The following ZNF394 variants were observed in gnomAD, a reference collection of about 807,000 sequenced individuals.
The protein encoded by ZNF394 is zinc finger protein 99.
A neutral mutation model predicts 21.8 loss-of-function variants in ZNF394; 19 were observed. The ratio of observed to expected loss-of-function variants is 0.87; its 90% CI spans 0.61 to 1.28. The LOEUF (loss-of-function observed/expected upper bound fraction) is 1.28, where lower values mean the gene tolerates loss of function less well. ZNF394 is among the 50% of genes most tolerant of loss of function. The pLI is 0.00. For synonymous variants in ZNF394, 294 were observed against 273.3 expected, an observed-to-expected ratio of 1.08 and a Z score of -0.75; for missense variants, 683 against 708.6, an observed-to-expected ratio of 0.96 and a Z score of 0.41.
downstream of ZNF394, among the ~76,000 whole-genome samples, chr7:99,489,465 T>C (rs377696062): frequency 1.5e-4 from 23 of 152,192 alleles, no homozygotes; most frequent in East Asian, 1.9e-3. Context: ...CGATGGGAAT[T>C]TGATAAACAC....
chr7:99,499,519 C>T (rs1584149443), intron 1 of ZNF394, 119 bp downstream of exon 1: 1 of 920,006 alleles, frequency 1.1e-6, no homozygotes, highest in East Asian at 2.4e-5. Context: ...GAAAGGAAGT[C>T]CATACACACC....
intron 2 of ZNF394, among the ~76,000 whole-genome samples, chr7:99,496,217 T>C (rs1800303986): frequency 6.6e-6 from 1 of 152,092 alleles, no homozygotes; most frequent in Non-Finnish European, 1.5e-5. Flanking sequence ...GGTTTTACCA[T>C]GTTGGCCAGG....
intron 2 of ZNF394, among the ~76,000 whole-genome samples, chr7:99,495,748 G>T (rs919179384): frequency 6.6e-6 from 1 of 151,974 alleles, no homozygotes; most frequent in African/African-American, 2.4e-5. Flanking sequence ...AGCCTTGAGA[G>T]TAGCTGGGAT....
chr7:99,486,709 C>G, exon 2 of ZNF394: 1 of 1,614,202 alleles, frequency 6.2e-7, no homozygotes, highest in Non-Finnish European at 8.5e-7. Flanking sequence ...TCAGAATGCG[C>G]AAACAAGGTG....
downstream of ZNF394, among the ~76,000 whole-genome samples, chr7:99,489,061 G>C (rs938157229): frequency 6.6e-6 from 1 of 151,946 alleles, no homozygotes; most frequent in Admixed American, 6.6e-5. Context: ...GAGGCGAGTG[G>C]ATCACGAGGT....
chr7:99,491,849 C>T (rs571391107), downstream of ZNF394, among the ~76,000 whole-genome samples: 2 of 148,484 alleles, frequency 1.3e-5, no homozygotes, highest in Non-Finnish European at 3.0e-5. Context: ...CCAAGGCGGG[C>T]GGATCATGAG....
rs201206255 is a variant in ZNF394 at position 99,497,087 on chromosome 7, CGTGTGTGTGTGT to C, written c.583+1617_583+1628del. On this transcript the variant is annotated intron_variant, in intron 2 of 2. Coordinates refer to ENST00000337673, the MANE Select transcript of ZNF394 (RefSeq NM_032164.4). Reference sequence around the variant, plus strand: ...GTATATATATGTATATACATACATACGTGTGTGTGTGTGTGTGTGTGTGTGTGTGTGTGTGTA... The same window carrying C: ...GTATATATATGTATATACATACATACGTGTGTGTGTGTGTGTGTGTGTGTA... Among the ~76,000 whole-genome samples the C allele has an allele frequency of 9.7e-4, 92 of 94,676 alleles. 1 individual carries two copies. Among genetic ancestry groups the C allele is most frequent in the Middle Eastern group, 4.9e-3 (1 of 206 alleles). 62.1% of individuals were successfully genotyped at this position (94,676 alleles called of 152,430 possible). A position where few individuals can be genotyped will look rare whatever the true frequency, so the allele number is the denominator to read the frequency against.
At chr7:99,492,514 C>G (rs966810371), downstream of ZNF394, among the ~76,000 whole-genome samples, 2 of 151,516 alleles carry the variant, frequency 1.3e-5, no homozygotes, top group African/African-American at 4.9e-5. Flanking sequence ...GCATGGTGCA[C>G]CTGTAGTCCC....
chr7:99,489,930 G>A (rs1313692593), downstream of ZNF394, among the ~76,000 whole-genome samples: 3 of 151,730 alleles, frequency 2.0e-5, no homozygotes, highest in South Asian at 2.1e-4. Flanking sequence ...GCTTGAACCC[G>A]GGAGGTGGAG....
At chr7:99,487,436 A>G (rs753570845) in intron 1 of ZNF394, 1 of 1,614,136 alleles carries the variant, frequency 6.2e-7, no homozygotes. Context: ...TTCAAGTGGC[A>G]CACAAGCTTT....
intron 1 of ZNF394, among the ~76,000 whole-genome samples, 196 bp downstream of exon 1, chr7:99,499,442 C>A (rs1762687467): frequency 6.6e-6 from 1 of 151,886 alleles, no homozygotes; most frequent in Non-Finnish European, 1.5e-5. Context: ...ACCAGTAATC[C>A]GTGTTCGCTT....
At position 99,494,057 on chromosome 7, in the gene ZNF394, ATAGGGTTTC is replaced by A. The variant is rs748259596; in HGVS notation, c.1149_1157del (p.Glu383_Tyr386delinsAsp). 2 of 1,614,122 alleles carry A rather than the reference ATAGGGTTTC, an allele frequency of 1.2e-6. No homozygotes were observed. The highest frequency in any genetic ancestry group is 2.2e-5 in the South Asian group (2 of 91,082). ...AGCTTTTCCCACATTCTTGGCAGCCATAGGGTTTCTCACCTGTGTGGATTCTCTGGTGTC... is the reference window on the plus strand; with the variant it reads ...AGCTTTTCCCACATTCTTGGCAGCCATCACCTGTGTGGATTCTCTGGTGTC... On this transcript the variant is annotated inframe_deletion, in exon 3 of 3. Transcript: ENST00000337673.
Position 99,494,605 on chromosome 7 carries a change from CTT to C in ZNF394, c.608_609del (p.Lys203ArgfsTer31), listed in dbSNP as rs763680060. 2 of 1,601,010 alleles carry C rather than the reference CTT, an allele frequency of 1.2e-6. No homozygotes were observed. The highest frequency in any genetic ancestry group is 2.2e-5 in the East Asian group (1 of 44,780). ...AAAATTTGTTGCATTGGAATCAACT[CTT>C]TGTTCTCCACTCTGCTTTCCAAACC... ...PPSLESRVEN[K>X]ELIPMQQILE... On this transcript the variant is annotated frameshift_variant, in exon 3 of 3. Transcript: ENST00000337673. LOFTEE classifies it low-confidence loss of function (END_TRUNC).
chr7:99,499,742 C>G lies in ZNF394; in HGVS notation c.352G>C (p.Glu118Gln), dbSNP rs772289582. The G allele has an allele frequency of 1.9e-6, 3 of 1,613,952 alleles. No homozygotes were observed. Among genetic ancestry groups the G allele is most frequent in the South Asian group, 1.1e-5 (1 of 91,086 alleles). ...TCTCGCACCCAGGCTTGAAGCTCCT[C>G]GGGCAGGATGGTGAGGAACTGCTCC... ...VLEQFLTILPEELQAWVREHC... is the reference protein window; with the variant it reads ...VLEQFLTILPQELQAWVREHC... The change falls in exon 1 of 3, where the codon GAG becomes CAG. Residue 118 changes from glutamate (E) to glutamine (Q), a missense_variant. Glu to Gln is a conservative substitution (Grantham distance 29). Coordinates refer to ENST00000337673, the MANE Select transcript of ZNF394 (RefSeq NM_032164.4).
intron 2 of ZNF394, among the ~76,000 whole-genome samples, chr7:99,497,155 T>TATATATATATATATATATATAA (rs1285527600): frequency 1.5e-5 from 2 of 132,610 alleles, no homozygotes; most frequent in African/African-American, 6.4e-5. Flanking sequence ...TATATATATA[T>TATATATATATATATATATATAA]AAAATGTTTT....
Position 99,498,784 on chromosome 7 carries a change from A to G in ZNF394, c.515T>C (p.Leu172Pro). ...GCAGAAGTCCCTCCGTGCTGGGTCCAGGCGCTCCCACTCCTCCCAGGTTAG... is the reference window on the plus strand; with the variant it reads ...GCAGAAGTCCCTCCGTGCTGGGTCCGGGCGCTCCCACTCCTCCCAGGTTAG... ...VSLTWEEWER[L>P]DPARRDFCRE... The change falls in exon 2 of 3, where the codon CTG (leucine) becomes CCG (proline). Residue 172 changes from leucine (L) to proline (P), a missense_variant. Physicochemically the swap from Leu to Pro is moderately conservative, Grantham distance 98. Coordinates refer to ENST00000337673, the MANE Select transcript of ZNF394 (RefSeq NM_032164.4). The G allele has an allele frequency of 1.9e-6, 3 of 1,614,104 alleles. No homozygotes were observed. In the South Asian group the frequency reaches 3.3e-5, roughly 18 times the overall value.
chr7:99,487,700 CAA>C, intron 1 of ZNF394: 1 of 529,866 alleles, frequency 1.9e-6, no homozygotes. Context: ...CAAAAAATAA[CAA>C]AGCCAGGTGT....
chr7:99,498,978 C>T (rs1023054827), intron 1 of ZNF394, 136 bp from the exon 2 acceptor site: 29 of 1,280,760 alleles, frequency 2.3e-5, no homozygotes, highest in Non-Finnish European at 3.0e-5. Context: ...TCCTGAAAAG[C>T]CTTTCTGTGG....
rs1342580606 is a variant in ZNF394 at position 99,500,102 on chromosome 7, G to A, written c.-9C>T. ...GTCAAGCTGGAATTCATCTTTCTCC[G>A]GCATGTGCTGCCCTTCCTGGAGTCT... On this transcript the variant is annotated 5_prime_UTR_variant, in exon 1 of 3. Transcript: ENST00000337673. 2.6e-6 allele frequency: 4 copies of A among 1,534,966 alleles called. No homozygotes were observed. Among genetic ancestry groups the A allele is most frequent in the Non-Finnish European group, 2.6e-6 (3 of 1,148,198 alleles).
Sources: gnomAD v4.1 joint callset for allele counts (sites outside exome capture counted in the v4.1 genomes callset) on GRCh38, gnomAD v4.1.1 for gene constraint, MANE v1.5 for transcripts, NCBI Gene and HGNC (gene_info 2026-07-23, HGNC 2026-07-21) for gene names.